The following TARBP1 variants were observed in gnomAD, a reference collection of about 807,000 sequenced individuals.
TARBP1 encodes the protein tRNA (guanosine(18)-2'-O)-methyltransferase TARBP1.
A neutral mutation model predicts 178.6 loss-of-function variants in TARBP1; 144 were observed. That is an observed-to-expected ratio of 0.81 (90% CI 0.70 to 0.93). The LOEUF (loss-of-function observed/expected upper bound fraction) is 0.93, where lower values mean the gene tolerates loss of function less well. Among genes scored for constraint, TARBP1 ranks in the 40% least tolerant of loss-of-function variants. TARBP1 has a pLI of 0.00. For missense variants in TARBP1, 2,067 were observed against 2,011.7 expected (o/e 1.03, Z -0.53); for synonymous variants, 787 against 781.0 (o/e 1.01, Z -0.13).
intron 9 of TARBP1, 143 bp from the exon 10 acceptor site, chr1:234,450,709 A>C (rs1666659832): frequency 2.1e-6 from 2 of 932,884 alleles, no homozygotes; most frequent in Admixed American, 3.3e-5. Context: ...TTACTATCAT[A>C]CTTGAGTTCC....
chr1:234,472,555 C>T (rs1380440759), intron 2 of TARBP1, among the ~76,000 whole-genome samples, 159 bp downstream of exon 2: 1 of 152,126 alleles, frequency 6.6e-6, no homozygotes, highest in East Asian at 1.9e-4. Context: ...AAACAACTTA[C>T]ACTCTAAGTT....
chr1:234,462,627 T>C (rs1238716018), intron 6 of TARBP1, among the ~76,000 whole-genome samples: 1 of 140,808 alleles, frequency 7.1e-6, no homozygotes, highest in African/African-American at 2.7e-5. Flanking sequence ...AGGCGGAGGT[T>C]GCAGTGAGCT....
At chr1:234,475,731 A>T (rs1399323842) in intron 1 of TARBP1, among the ~76,000 whole-genome samples, 1 of 152,252 alleles carries the variant, frequency 6.6e-6, no homozygotes, top group East Asian at 1.9e-4. Flanking sequence ...CTCTTGCACC[A>T]GGGAACAAGC....
At chr1:234,454,623 A>G (rs1204178914) in intron 9 of TARBP1, among the ~76,000 whole-genome samples, 1 of 152,208 alleles carries the variant, frequency 6.6e-6, no homozygotes, top group East Asian at 1.9e-4. Context: ...AAAATCAAAA[A>G]TCAAAATGAA....
chr1:234,437,683 T>A (rs1418998080), intron 12 of TARBP1, among the ~76,000 whole-genome samples: 1 of 152,190 alleles, frequency 6.6e-6, no homozygotes, highest in Non-Finnish European at 1.5e-5. Context: ...AGCAGGTGGA[T>A]TCAGAGAGAA....
rs139858236 is a variant in TARBP1 at position 234,419,231 on chromosome 1, G to A, written c.3556-998C>T. Among the ~76,000 whole-genome samples the A allele has an allele frequency of 2.0e-3, 303 of 152,094 alleles. 3 individuals are homozygous for A. Among genetic ancestry groups the A allele is most frequent in the African/African-American group, 6.6e-3 (276 of 41,522 alleles). Reference sequence around the variant, plus strand: ...AATAAAAGTAATATGTATTATGTACGTCTTTATTTTAAAGAAGAAAAATCT... The same window carrying A: ...AATAAAAGTAATATGTATTATGTACATCTTTATTTTAAAGAAGAAAAATCT... On this transcript the variant is annotated intron_variant, in intron 21 of 29. Coordinates refer to ENST00000040877, the MANE Select transcript of TARBP1 (RefSeq NM_005646.4).
chr1:234,455,245 A>T (rs1239193820), intron 9 of TARBP1, among the ~76,000 whole-genome samples: 2 of 152,192 alleles, frequency 1.3e-5, no homozygotes, highest in African/African-American at 2.4e-5. Context: ...CAACCATAGG[A>T]AACTATGGAG....
chr1:234,478,574 TC>T lies in TARBP1; in HGVS notation c.529del (p.Asp177ThrfsTer50). On this transcript the variant is annotated frameshift_variant, in exon 1 of 30. Transcript: ENST00000040877. LOFTEE classifies it high-confidence loss of function. Reference sequence around the variant, plus strand: ...CTCGGCAGGCCCGGCCTCATCCCCGTCCCCGCCCCCGCCCAGCGCCAGGGCG... The same window carrying T: ...CTCGGCAGGCCCGGCCTCATCCCCGTCCCGCCCCCGCCCAGCGCCAGGGCG... ...AVALALGGGG[D>X]GDEAGPAEDA... 7.7e-7 allele frequency: 1 copy of T among 1,291,006 alleles called. No individual in the cohort carries two copies. Among genetic ancestry groups the T allele is most frequent in the Non-Finnish European group, 9.8e-7 (1 of 1,022,198 alleles). The allele number at this position is 1,291,006 out of a possible 1,614,324, so 80.0% of individuals were successfully genotyped here.
intron 22 of TARBP1, among the ~76,000 whole-genome samples, chr1:234,411,664 A>G (rs1452653403): frequency 2.0e-5 from 3 of 152,236 alleles, no homozygotes; most frequent in Non-Finnish European, 4.4e-5. Context: ...AAAAACCTAT[A>G]GAAGACTTAA....
chr1:234,426,515 G>C lies in TARBP1; in HGVS notation c.3324-722C>G, dbSNP rs144886927. ...AATGAAAAAAATGTATATCTTTCAT[G>C]AGAAGTGACAGATGATTTACAACAC... is the stretch of plus-strand genomic sequence containing the variant. On this transcript the variant is annotated intron_variant, in intron 19 of 29. Transcript: ENST00000040877. Among the ~76,000 whole-genome samples the C allele has an allele frequency of 1.8e-3, 277 of 152,220 alleles. 1 individual carries two copies. Among genetic ancestry groups the C allele is most frequent in the Non-Finnish European group, 3.3e-3 (224 of 68,028 alleles).
chr1:234,408,933 A>G (rs938603209), intron 23 of TARBP1, among the ~76,000 whole-genome samples: 11 of 152,082 alleles, frequency 7.2e-5, no homozygotes, highest in Non-Finnish European at 1.3e-4. Flanking sequence ...GGCGGTTACC[A>G]CCTCTGTCGT....
chr1:234,470,886 G>T (rs997391053), intron 3 of TARBP1, among the ~76,000 whole-genome samples: 2 of 152,144 alleles, frequency 1.3e-5, no homozygotes, highest in Non-Finnish European at 2.9e-5. Context: ...AAAGTGCTGG[G>T]ATTACAGGCA....
intron 28 of TARBP1, 96 bp from the exon 29 acceptor site, chr1:234,392,648 CT>C: frequency 1.8e-6 from 2 of 1,088,558 alleles, no homozygotes; most frequent in Admixed American, 4.8e-5. Context: ...AAACTTAACT[CT>C]TTAAAAGAAA....
At chr1:234,434,004 G>A (rs1664755040) in intron 13 of TARBP1, among the ~76,000 whole-genome samples, 2 of 152,164 alleles carry the variant, frequency 1.3e-5, no homozygotes, top group South Asian at 4.2e-4. Flanking sequence ...AAGTTTCAGA[G>A]AGGTTAAACA....
chr1:234,395,502 A>T (rs1443335297), intron 26 of TARBP1, among the ~76,000 whole-genome samples: 1 of 152,196 alleles, frequency 6.6e-6, no homozygotes. Flanking sequence ...CAAAAACAGG[A>T]CAAGAACGAC....
chr1:234,478,540 CG>C lies in TARBP1; in HGVS notation c.563del (p.Ala188GlyfsTer39). ...GCAGCAGTCGCCCGGCCACCAGCGC[CG>C]CCGCGTCCTCGGCAGGCCCGGCCTC... ...GDEAGPAEDAAALVAGRLLPV... is the reference protein window; with the variant it reads ...GDEAGPAEDAXALVAGRLLPV... On this transcript the variant is annotated frameshift_variant, in exon 1 of 30. Transcript: ENST00000040877. LOFTEE classifies it high-confidence loss of function. 2 of 1,362,086 alleles carry C rather than the reference CG, an allele frequency of 1.5e-6. No individual in the cohort carries two copies. The highest frequency in any genetic ancestry group is 1.6e-5 in the South Asian group (1 of 64,188). 84.4% of individuals were successfully genotyped at this position (1,362,086 alleles called of 1,614,324 possible).
chr1:234,443,852 C>T lies in TARBP1; in HGVS notation c.2134+2951G>A, dbSNP rs116104557. On this transcript the variant is annotated intron_variant, in intron 12 of 29. Transcript: ENST00000040877. ...GGTGTTCAGTGAAATAAAAATAAGTCAGACACAAAAGGACAAATGCTGTAT... is the reference window on the plus strand; with the variant it reads ...GGTGTTCAGTGAAATAAAAATAAGTTAGACACAAAAGGACAAATGCTGTAT... Among the ~76,000 whole-genome samples, 1,069 of 152,232 alleles carry T rather than the reference C, an allele frequency of 7.0e-3. 11 individuals are homozygous for T. Among genetic ancestry groups the T allele is most frequent in the African/African-American group, 0.025 (1,026 of 41,532 alleles).
In TARBP1 at chr1:234,450,423, C is replaced by T. The variant is rs749161138; in HGVS notation, c.1861+5G>A. 6.4e-7 allele frequency: 1 copy of T among 1,559,530 alleles called. No individual in the cohort carries two copies. The highest frequency in any genetic ancestry group is 1.4e-5 in the African/African-American group (1 of 71,502). On this transcript the variant is annotated splice_donor_5th_base_variant and intron_variant, in intron 10 of 29. Coordinates refer to ENST00000040877, the MANE Select transcript of TARBP1 (RefSeq NM_005646.4). ...ATCAATCCATAAAAATGATTGCAGA[C>T]TTACTTTCCCAAGCAGATGACTTAA...
chr1:234,421,268 T>C (rs1663061787), intron 20 of TARBP1, among the ~76,000 whole-genome samples: 1 of 152,068 alleles, frequency 6.6e-6, no homozygotes, highest in Non-Finnish European at 1.5e-5. Flanking sequence ...TCTGTATTTT[T>C]AGTAGAGATG....
Sources: allele counts gnomAD v4.1 joint callset (sites outside exome capture counted in the v4.1 genomes callset), GRCh38; gene constraint gnomAD v4.1.1; transcripts MANE v1.5; gene names NCBI Gene and HGNC (gene_info 2026-07-23, HGNC 2026-07-21).